The following DNAH7 variants were observed in gnomAD, a reference collection of about 807,000 sequenced individuals.
The protein encoded by DNAH7 is dynein axonemal heavy chain 7.
Under a neutral mutation model 444.6 loss-of-function variants are expected in DNAH7, and 397 were observed. The ratio of observed to expected loss-of-function variants is 0.89; its 90% confidence interval spans 0.82 to 0.97. The LOEUF is 0.97. Ranked by LOEUF, DNAH7 falls within the 50% of genes least tolerant of loss-of-function variation. DNAH7 has a pLI of 0.00. For synonymous variants in DNAH7, 1,636 were observed against 1,624.4 expected (o/e 1.01, Z -0.17); for missense variants, 4,902 against 4,800.8 (o/e 1.02, Z -0.62).
At chr2:195,805,716 TACA>T (rs1270161249) in intron 54 of DNAH7, among the ~76,000 whole-genome samples, 1 of 152,164 alleles carries the variant, frequency 6.6e-6, no homozygotes, top group Non-Finnish European at 1.5e-5. Context: ...TAAAAGAAAC[TACA>T]ACATTTTCAT....
Position 196,006,773 on chromosome 2 carries a change from T to C in DNAH7, c.990-4915A>G, listed in dbSNP as rs1320821326. ...CACTAGCAACAATCTGAAGATGAAA[T>C]TGAGAAGACCATTCCATTTACATAG... On this transcript the variant is annotated intron_variant, in intron 10 of 64. Coordinates refer to ENST00000312428, the MANE Select transcript of DNAH7 (RefSeq NM_018897.3). Among the ~76,000 whole-genome samples the C allele has an allele frequency of 5.3e-5, 8 of 152,164 alleles. No homozygotes were observed. The East Asian group carries it at 1.4e-3, about 26-fold the overall frequency.
intron 17 of DNAH7, among the ~76,000 whole-genome samples, chr2:195,963,542 T>A (rs546571176): frequency 6.6e-6 from 1 of 152,250 alleles, no homozygotes. Flanking sequence ...TCGCAAATAT[T>A]TTCTCCCATG....
intron 23 of DNAH7, among the ~76,000 whole-genome samples, chr2:195,922,427 C>T (rs1688080082): frequency 6.6e-6 from 1 of 152,096 alleles, no homozygotes; most frequent in Non-Finnish European, 1.5e-5. Flanking sequence ...TTACCTCTTC[C>T]ATATTTTTAA....
rs200193038 is a variant in DNAH7 at position 195,816,953 on chromosome 2, C to A, written c.9436G>T (p.Glu3146Ter). ...QGAENKRQLK[E>*]IEDKILEVLS... ...ACTTCTAAAATCTTGTCTTCTATTT[C>A]TTTTAACTGCCTGGAATAAAACAAA... The change falls in exon 51 of 65, where the codon GAA becomes TAA. Residue 3146 changes from glutamate to a stop codon, truncating the protein, a stop_gained. Transcript: ENST00000312428. LOFTEE classifies it high-confidence loss of function. 2.5e-5 allele frequency: 39 copies of A among 1,585,364 alleles called. No individual in the cohort carries two copies. The highest frequency in any genetic ancestry group is 3.1e-5 in the Non-Finnish European group (36 of 1,168,456).
chr2:195,883,457 C>CA (rs1351123611), intron 35 of DNAH7, among the ~76,000 whole-genome samples: 8 of 145,468 alleles, frequency 5.5e-5, no homozygotes, highest in African/African-American at 1.8e-4. Context: ...CCGCTCCCCC[C>CA]CCCCAAAAAA....
At chr2:195,939,947 C>A (rs968532531) in intron 19 of DNAH7, among the ~76,000 whole-genome samples, 1 of 152,132 alleles carries the variant, frequency 6.6e-6, no homozygotes, top group Non-Finnish European at 1.5e-5. Flanking sequence ...GCCATACTGC[C>A]CAAAGTAATT....
chr2:195,972,171 G>T, intron 16 of DNAH7, 71 bp downstream of exon 16: 2 of 1,260,582 alleles, frequency 1.6e-6, no homozygotes, highest in Non-Finnish European at 2.2e-6. Context: ...TAAAATAATT[G>T]ACAATGCTAC....
chr2:195,902,661 T>C (rs1686780552), intron 27 of DNAH7: 1 of 152,132 alleles, frequency 6.6e-6, no homozygotes, highest in African/African-American at 2.4e-5. Flanking sequence ...AGCAATACGG[T>C]TGTGGAAAAT....
chr2:195,953,540 C>A (rs1173819410), intron 19 of DNAH7, among the ~76,000 whole-genome samples: 1 of 152,188 alleles, frequency 6.6e-6, no homozygotes, highest in Non-Finnish European at 1.5e-5. Context: ...CCCACAGCCG[C>A]CCCTTCCCAT....
intron 61 of DNAH7, among the ~76,000 whole-genome samples, chr2:195,765,795 C>A (rs970524065): frequency 6.6e-6 from 1 of 152,134 alleles, no homozygotes; most frequent in Non-Finnish European, 1.5e-5. Flanking sequence ...TAAATTAGTA[C>A]AACCACTGTG....
intron 15 of DNAH7, among the ~76,000 whole-genome samples, chr2:195,978,915 G>A (rs868804725): frequency 6.6e-6 from 1 of 152,018 alleles, no homozygotes; most frequent in East Asian, 1.9e-4. Context: ...GGAGCACCAG[G>A]TATATTAAGC....
intron 19 of DNAH7, among the ~76,000 whole-genome samples, chr2:195,949,524 T>C (rs1236711995): frequency 2.6e-5 from 4 of 152,066 alleles, no homozygotes; most frequent in Non-Finnish European, 5.9e-5. Flanking sequence ...CCACAGGTGA[T>C]CCACCTGCTT....
chr2:195,990,100 T>C (rs1693200768), intron 12 of DNAH7, among the ~76,000 whole-genome samples: 1 of 152,220 alleles, frequency 6.6e-6, no homozygotes, highest in Non-Finnish European at 1.5e-5. Context: ...TTTGTCAATT[T>C]TTATTTTTGT....
At chr2:196,065,135 C>A (rs1157949452) in intron 1 of DNAH7, among the ~76,000 whole-genome samples, 1 of 152,062 alleles carries the variant, frequency 6.6e-6, no homozygotes, top group African/African-American at 2.4e-5. Context: ...TTATCGTAAA[C>A]AATCTTGACC....
rs1300115502 is a variant in DNAH7, at chr2:195,754,073, A to T, written c.11764+264T>A. On this transcript the variant is annotated intron_variant, in intron 63 of 64. Transcript: ENST00000312428. ...AAATTTTGCAAAAAGTACAAAGGAC[A>T]TATATTCTTTATCCAGATTCATCTA... 2.6e-5 allele frequency among the ~76,000 whole-genome samples: 4 copies of T among 152,172 alleles called. No individual in the cohort carries two copies. The East Asian group carries it at 5.8e-4, about 22-fold the overall frequency.
At chr2:195,923,282 T>C (rs1382091277) in intron 23 of DNAH7, among the ~76,000 whole-genome samples, 1 of 152,180 alleles carries the variant, frequency 6.6e-6, no homozygotes, top group East Asian at 1.9e-4. Flanking sequence ...TTTTGCAGAT[T>C]CAGCAAGCCT....
At chr2:195,802,056 A>G (rs1328836640) in intron 54 of DNAH7, among the ~76,000 whole-genome samples, 1 of 152,242 alleles carries the variant, frequency 6.6e-6, no homozygotes, top group Non-Finnish European at 1.5e-5. Flanking sequence ...TAAAAAGCTC[A>G]GGATGCCTAC....
rs747400213 is a variant in DNAH7 at position 195,888,812 on chromosome 2, G to A, written c.5216C>T (p.Ala1739Val). Residue 1739 changes from alanine (A) to valine (V), a missense_variant, in exon 32 of 65, where the codon GCT (alanine) becomes GTT (valine). Physicochemically the swap from Ala to Val is moderately conservative, Grantham distance 64. Coordinates refer to ENST00000312428, the MANE Select transcript of DNAH7 (RefSeq NM_018897.3). ...TGGAGAACTTACAGTGGCAGGGGAA[G>A]CAACTTCTAAATCCATTGGCTCAAA... ...LIFEPMDLEV[A>V]SPATVSRCGM... The A allele has an allele frequency of 1.2e-6, 2 of 1,611,036 alleles. No individual in the cohort carries two copies. The highest frequency in any genetic ancestry group is 1.1e-5 in the South Asian group (1 of 89,874).
intron 48 of DNAH7, among the ~76,000 whole-genome samples, chr2:195,826,161 A>G (rs2124923794): frequency 6.6e-6 from 1 of 152,350 alleles, no homozygotes; most frequent in East Asian, 1.9e-4. Context: ...ATCAGGCTGG[A>G]GCCCTAGAAG....
Sources: gnomAD v4.1 joint callset for allele counts (sites outside exome capture counted in the v4.1 genomes callset) on GRCh38, gnomAD v4.1.1 for gene constraint, MANE v1.5 for transcripts, NCBI Gene and HGNC (gene_info 2026-07-23, HGNC 2026-07-21) for gene names.